The following CACNA2D1 variants were observed in gnomAD, a reference collection of about 807,000 sequenced individuals.
CACNA2D1 encodes the protein voltage-dependent calcium channel subunit alpha-2/delta-1.
CACNA2D1 carries 53 observed loss-of-function variants against 171.5 expected under a neutral mutation model. The observed-to-expected ratio is 0.31, with a 90% CI of 0.25 to 0.39. The LOEUF (loss-of-function observed/expected upper bound fraction) is 0.39, where lower values mean the gene tolerates loss of function less well. CACNA2D1 is among the 10% of genes least tolerant of loss of function. The pLI is 1.00. For synonymous variants in CACNA2D1, 442 were observed against 443.1 expected (o/e 1.00, Z 0.03); for missense variants, 903 against 1,299.8 (o/e 0.69, Z 4.69).
chr7:81,961,776 A>G, intron 36 of CACNA2D1, 118 bp downstream of exon 36: 1 of 916,830 alleles, frequency 1.1e-6, no homozygotes, highest in East Asian at 2.6e-5. Context: ...CTCTGACTCC[A>G]ACACAATTTT....
intron 3 of CACNA2D1, among the ~76,000 whole-genome samples, chr7:82,264,603 T>C (rs1359540649): frequency 6.6e-6 from 1 of 152,178 alleles, no homozygotes; most frequent in East Asian, 1.9e-4. Context: ...ATTTTAATTA[T>C]GCTGCCAGCC....
intron 1 of CACNA2D1, among the ~76,000 whole-genome samples, chr7:82,415,224 T>G (rs1000583233): frequency 1.3e-5 from 2 of 152,102 alleles, no homozygotes; most frequent in Non-Finnish European, 2.9e-5. Flanking sequence ...GCATGAAGTC[T>G]GCAAGTTGCA....
chr7:81,970,994 A>G (rs1795210537), intron 26 of CACNA2D1: 1 of 472,556 alleles, frequency 2.1e-6, no homozygotes, highest in East Asian at 4.0e-5. Context: ...CACAGAAAGC[A>G]GGAAGGTATC....
intron 15 of CACNA2D1, among the ~76,000 whole-genome samples, chr7:82,011,212 A>G (rs1799733186): frequency 6.6e-6 from 1 of 152,166 alleles, no homozygotes; most frequent in African/African-American, 2.4e-5. Flanking sequence ...TCTGGGCCAC[A>G]CTGAGAGAAG....
intron 1 of CACNA2D1, among the ~76,000 whole-genome samples, chr7:82,397,845 C>A (rs975242868): frequency 1.1e-4 from 17 of 152,114 alleles, no homozygotes; most frequent in African/African-American, 3.9e-4. Flanking sequence ...ATTCACACTG[C>A]TTATTAGATA....
chr7:82,398,011 T>C (rs567340553), intron 1 of CACNA2D1, among the ~76,000 whole-genome samples: 2 of 152,206 alleles, frequency 1.3e-5, no homozygotes, highest in South Asian at 4.1e-4. Context: ...TAGGATTAGA[T>C]AGATGAAGAG....
At chr7:82,125,208 A>G (rs1376137610) in intron 5 of CACNA2D1, among the ~76,000 whole-genome samples, 1 of 152,230 alleles carries the variant, frequency 6.6e-6, no homozygotes, top group South Asian at 2.1e-4. Context: ...TCAATAAAAT[A>G]AAAAGGAGCA....
At chr7:82,146,311 C>T (rs909534035) in intron 4 of CACNA2D1, among the ~76,000 whole-genome samples, 18 of 134,668 alleles carry the variant, frequency 1.3e-4, no homozygotes, top group Non-Finnish European at 2.1e-4. Context: ...TATATATATA[C>T]GTGTGTGTGT....
chr7:82,417,786 C>T (rs2299187), intron 1 of CACNA2D1, among the ~76,000 whole-genome samples: 7,446 of 152,024 alleles, frequency 0.049, 328 homozygotes, highest in East Asian at 0.12. Flanking sequence ...ATCCTTCTGC[C>T]CATTTATAAA....
In CACNA2D1 at chr7:81,950,440, C is replaced by T. The variant is rs769383235; in HGVS notation, c.3228G>A (p.Gln1076=). 1.2e-6 allele frequency: 2 copies of T among 1,613,100 alleles called. No individual in the cohort carries two copies. Among genetic ancestry groups the T allele is most frequent in the South Asian group, 1.1e-5 (1 of 91,068 alleles). The stretch of plus-strand genomic sequence containing the variant: ...CAGATACCAGCCAAAGTAGTAGAAA[C>T]TGGATTCCAATGATATACCACAGGG... ...NPSLWYIIGI[Q]FLLLWLVSGS... Residue 1076 remains glutamine (Q), a synonymous_variant, in exon 39 of 39, where the codon CAG becomes CAA. Transcript: ENST00000356860.
At chr7:81,984,316 AC>A (rs1796738881) in intron 22 of CACNA2D1, among the ~76,000 whole-genome samples, 1 of 152,198 alleles carries the variant, frequency 6.6e-6, no homozygotes, top group African/African-American at 2.4e-5. Flanking sequence ...AGCATGTGAA[AC>A]ATTTTGCTCC....
At chr7:82,100,462 A>G (rs1812541581) in intron 6 of CACNA2D1, among the ~76,000 whole-genome samples, 1 of 152,152 alleles carries the variant, frequency 6.6e-6, no homozygotes, top group Non-Finnish European at 1.5e-5. Context: ...ATTAAGATGA[A>G]AACTTTCCTG....
intron 3 of CACNA2D1, among the ~76,000 whole-genome samples, chr7:82,174,318 G>A (rs1178317193): frequency 6.6e-6 from 1 of 151,920 alleles, no homozygotes; most frequent in East Asian, 1.9e-4. Flanking sequence ...GCTTAATTCT[G>A]CTAATATTAC....
At chr7:82,319,436 A>G (rs1399936983) in intron 3 of CACNA2D1, among the ~76,000 whole-genome samples, 2 of 152,228 alleles carry the variant, frequency 1.3e-5, no homozygotes, top group African/African-American at 4.8e-5. Context: ...TCACTTAATG[A>G]AAATGAACAT....
chr7:82,305,475 C>T (rs1247299812), intron 3 of CACNA2D1, among the ~76,000 whole-genome samples: 1 of 152,142 alleles, frequency 6.6e-6, no homozygotes, highest in Non-Finnish European at 1.5e-5. Context: ...CTACACCTTA[C>T]CTGCAGATCT....
intron 3 of CACNA2D1, among the ~76,000 whole-genome samples, chr7:82,207,359 T>C (rs1048954384): frequency 2.0e-5 from 3 of 152,182 alleles, no homozygotes; most frequent in Non-Finnish European, 4.4e-5. Context: ...GTCTTTTTCT[T>C]AGCAATTGTT....
chr7:81,968,603 T>C (rs1794947471), intron 29 of CACNA2D1, among the ~76,000 whole-genome samples: 1 of 151,326 alleles, frequency 6.6e-6, no homozygotes, highest in African/African-American at 2.4e-5. Context: ...TAATCCAACA[T>C]TAAAAATTTT....
chr7:81,994,170 C>A (rs1268890417), intron 20 of CACNA2D1, among the ~76,000 whole-genome samples: 1 of 152,066 alleles, frequency 6.6e-6, no homozygotes, highest in African/African-American at 2.4e-5. Context: ...AATTTCCAGG[C>A]TCAAAAGCTT....
chr7:82,237,476 T>C (rs780162832), intron 3 of CACNA2D1, among the ~76,000 whole-genome samples: 5 of 151,996 alleles, frequency 3.3e-5, no homozygotes, highest in Non-Finnish European at 5.9e-5. Flanking sequence ...TTTTGTTCTA[T>C]TGGGCTATAC....
Sources: gnomAD v4.1 joint callset for allele counts (sites outside exome capture counted in the v4.1 genomes callset) on GRCh38, gnomAD v4.1.1 for gene constraint, MANE v1.5 for transcripts, NCBI Gene and HGNC (gene_info 2026-07-23, HGNC 2026-07-21) for gene names.